The following CEP112 variants were observed in gnomAD, a reference collection of about 807,000 sequenced individuals.
CEP112 encodes centrosomal protein of 112 kDa.
A neutral mutation model predicts 153.0 loss-of-function variants in CEP112; 127 were observed. The ratio of observed to expected loss-of-function variants is 0.83; its 90% CI spans 0.72 to 0.96. The LOEUF is 0.96. Among genes scored for constraint, CEP112 ranks in the 40% least tolerant of loss-of-function variants. The probability of loss-of-function intolerance (pLI) is 0.00; values close to 1 mark genes in which losing one functional copy is unlikely to be tolerated. For missense variants in CEP112, 1,089 were observed against 1,101.2 expected, an observed-to-expected ratio of 0.99 and a Z score of 0.16; for synonymous variants, 358 against 374.4, an observed-to-expected ratio of 0.96 and a Z score of 0.51.
chr17:66,089,366 C>T (rs2068054019), intron 8 of CEP112, among the ~76,000 whole-genome samples: 1 of 152,044 alleles, frequency 6.6e-6, no homozygotes, highest in Admixed American at 6.6e-5. Flanking sequence ...ATATAAACTG[C>T]CTGACAAATA....
chr17:65,913,996 A>G, intron 19 of CEP112: 1 of 443,694 alleles, frequency 2.3e-6, no homozygotes, highest in South Asian at 9.9e-5. Context: ...TCTCAGTTGA[A>G]ACTCAGGAAG....
chr17:66,174,146 T>G (rs1488501861), intron 4 of CEP112, among the ~76,000 whole-genome samples: 2 of 152,144 alleles, frequency 1.3e-5, no homozygotes, highest in Non-Finnish European at 2.9e-5. Flanking sequence ...GCCAGGATGG[T>G]CTCGATCTCC....
At chr17:65,953,304 T>C (rs1315150791) in intron 18 of CEP112, among the ~76,000 whole-genome samples, 1 of 152,250 alleles carries the variant, frequency 6.6e-6, no homozygotes, top group South Asian at 2.1e-4. Context: ...TGGTAGAAAG[T>C]TGAAATACAG....
chr17:65,884,834 C>T (rs2059218672), intron 20 of CEP112, among the ~76,000 whole-genome samples: 1 of 151,216 alleles, frequency 6.6e-6, no homozygotes, highest in Non-Finnish European at 1.5e-5. Flanking sequence ...TCTCCTGCCT[C>T]AGCCTCCTGA....
intron 21 of CEP112, among the ~76,000 whole-genome samples, chr17:65,777,446 G>A (rs1541609): frequency 0.53 from 80,423 of 151,984 alleles, 23,156 homozygotes; most frequent in Non-Finnish European, 0.66. Context: ...CTGACTTGCC[G>A]CTTCCATCTA....
chr17:65,730,686 T>G (rs1347095374), intron 23 of CEP112, among the ~76,000 whole-genome samples: 1 of 152,040 alleles, frequency 6.6e-6, no homozygotes, highest in Non-Finnish European at 1.5e-5. Flanking sequence ...GTTTGTAATT[T>G]TATTCCTTGG....
At chr17:65,804,130 G>A (rs1277111138) in intron 21 of CEP112, among the ~76,000 whole-genome samples, 1 of 152,092 alleles carries the variant, frequency 6.6e-6, no homozygotes, top group Non-Finnish European at 1.5e-5. Context: ...TTTAAAAAAC[G>A]AGTTGGGATT....
intron 2 of CEP112, among the ~76,000 whole-genome samples, chr17:66,179,322 T>A (rs1203490132): frequency 1.3e-5 from 2 of 152,218 alleles, no homozygotes; most frequent in African/African-American, 4.8e-5. Context: ...TTCCAATCCA[T>A]GAACATAGGG....
At chr17:66,059,856 T>C (rs1027541258) in intron 11 of CEP112, among the ~76,000 whole-genome samples, 1 of 152,176 alleles carries the variant, frequency 6.6e-6, no homozygotes, top group African/African-American at 2.4e-5. Flanking sequence ...TGTATGTTCA[T>C]TGCCATGCTA....
intron 21 of CEP112, among the ~76,000 whole-genome samples, chr17:65,825,709 T>C (rs2056807804): frequency 6.6e-6 from 1 of 151,906 alleles, no homozygotes; most frequent in South Asian, 2.1e-4. Flanking sequence ...TTAATTAAAA[T>C]AAATACATAA....
intron 21 of CEP112, among the ~76,000 whole-genome samples, chr17:65,796,724 G>C (rs2054933991): frequency 6.6e-6 from 1 of 151,874 alleles, no homozygotes; most frequent in Non-Finnish European, 1.5e-5. Flanking sequence ...TGGTGCCTTG[G>C]TCATTCATTA....
At position 66,129,220 on chromosome 17, in the gene CEP112, C is replaced by A. The variant is rs553809284; in HGVS notation, c.642+526G>T. ...AGATTCCATACATAAATTCCAAACA[C>A]CCAATCACGACAGCTCACTTACCCC... On this transcript the variant is annotated intron_variant, in intron 6 of 26. Coordinates refer to ENST00000535342, the MANE Select transcript of CEP112 (RefSeq NM_001199165.4). Among the ~76,000 whole-genome samples, 79 of 152,296 alleles carry A rather than the reference C, an allele frequency of 5.2e-4. 1 individual carries two copies. Among genetic ancestry groups the A allele is most frequent in the African/African-American group, 1.8e-3 (75 of 41,556 alleles).
chr17:66,184,497 G>C (rs75411796), intron 1 of CEP112, among the ~76,000 whole-genome samples: 5,185 of 152,204 alleles, frequency 0.034, 131 homozygotes, highest in Middle Eastern at 0.061. Flanking sequence ...AAGAAATACA[G>C]ATGGCAAGTA....
At chr17:65,780,650 T>C (rs2053945566) in intron 21 of CEP112, among the ~76,000 whole-genome samples, 1 of 152,132 alleles carries the variant, frequency 6.6e-6, no homozygotes, top group Non-Finnish European at 1.5e-5. Flanking sequence ...GACTACTGTA[T>C]TTAACAAATT....
chr17:65,683,521 T>C (rs1211798313), intron 24 of CEP112, among the ~76,000 whole-genome samples: 1 of 152,146 alleles, frequency 6.6e-6, no homozygotes, highest in East Asian at 1.9e-4. Flanking sequence ...GAATGCTGAT[T>C]CCTGCCGAAC....
chr17:65,941,767 GT>G (rs996965918), intron 18 of CEP112, among the ~76,000 whole-genome samples: 3 of 137,320 alleles, frequency 2.2e-5, no homozygotes, highest in African/African-American at 7.6e-5. Flanking sequence ...AGTGTGTTAG[GT>G]TTTTTTTTGT....
At chr17:65,948,654 C>G (rs908292992) in intron 18 of CEP112, among the ~76,000 whole-genome samples, 1 of 151,800 alleles carries the variant, frequency 6.6e-6, no homozygotes, top group African/African-American at 2.4e-5. Flanking sequence ...ACATTTTACA[C>G]AGTTAGTTGC....
chr17:65,981,084 G>A (rs2063209562), intron 17 of CEP112, among the ~76,000 whole-genome samples: 1 of 152,112 alleles, frequency 6.6e-6, no homozygotes, highest in Non-Finnish European at 1.5e-5. Flanking sequence ...CCAAAGTGCT[G>A]GGATTACAGG....
At chr17:65,815,371 C>T (rs186381456) in intron 21 of CEP112, among the ~76,000 whole-genome samples, 16 of 151,986 alleles carry the variant, frequency 1.1e-4, no homozygotes, top group Admixed American at 9.8e-4. Flanking sequence ...TATTTTGTTC[C>T]ACTGGTTGAT....
Sources: gnomAD v4.1 joint callset for allele counts (sites outside exome capture counted in the v4.1 genomes callset) on GRCh38, gnomAD v4.1.1 for gene constraint, MANE v1.5 for transcripts, NCBI Gene and HGNC (gene_info 2026-07-23, HGNC 2026-07-21) for gene names.